The following ACTR3B variants were observed in gnomAD, a reference collection of about 807,000 sequenced individuals.
ACTR3B encodes actin related protein 3B.
Under a neutral mutation model 59.0 loss-of-function variants are expected in ACTR3B, and 8 were observed. The observed-to-expected ratio is 0.14, with a 90% CI of 0.08 to 0.24. The LOEUF is 0.24. Ranked by LOEUF, ACTR3B falls within the 10% of genes least tolerant of loss-of-function variation. The pLI is 1.00. For synonymous variants in ACTR3B, 148 were observed against 197.9 expected, an observed-to-expected ratio of 0.75 and a Z score of 2.12; for missense variants, 245 against 552.3, an observed-to-expected ratio of 0.44 and a Z score of 5.58.
chr7:152,814,871 G>A (rs2689616), intron 5 of ACTR3B, among the ~76,000 whole-genome samples: 6 of 151,480 alleles, frequency 4.0e-5, no homozygotes, highest in East Asian at 1.9e-4. Context: ...CTCTTTTTAC[G>A]TGCATTAAAG....
chr7:152,833,616 G>A (rs1275549272), intron 9 of ACTR3B, among the ~76,000 whole-genome samples: 1 of 152,030 alleles, frequency 6.6e-6, no homozygotes, highest in Non-Finnish European at 1.5e-5. Flanking sequence ...GAGTTAAGAA[G>A]AGCGCCTCTT....
At chr7:152,781,829 T>C (rs1307914391) in intron 1 of ACTR3B, among the ~76,000 whole-genome samples, 2 of 152,078 alleles carry the variant, frequency 1.3e-5, no homozygotes, top group African/African-American at 4.8e-5. Flanking sequence ...GGAGTGGAGT[T>C]GTGGTAGGTC....
intron 6 of ACTR3B, among the ~76,000 whole-genome samples, chr7:152,818,284 T>C (rs556071876): frequency 6.6e-6 from 1 of 152,334 alleles, no homozygotes; most frequent in South Asian, 2.1e-4. Context: ...AGAAAGTTGT[T>C]TGAAAAGATT....
chr7:152,759,956 C>T, intron 1 of ACTR3B, 30 bp downstream of exon 1: 2 of 1,338,538 alleles, frequency 1.5e-6, no homozygotes, highest in African/African-American at 1.5e-5. Flanking sequence ...CACCCCCGCT[C>T]CTCCGCGGCC....
chr7:152,851,600 T>TG (rs1798811051), intron 9 of ACTR3B, among the ~76,000 whole-genome samples: 1 of 152,194 alleles, frequency 6.6e-6, no homozygotes, highest in Non-Finnish European at 1.5e-5. Flanking sequence ...ACCGAGCTTC[T>TG]GGGGTGGCCA....
intron 1 of ACTR3B, among the ~76,000 whole-genome samples, chr7:152,777,322 C>G (rs1460157378): frequency 6.6e-6 from 1 of 151,330 alleles, no homozygotes; most frequent in Non-Finnish European, 1.5e-5. Context: ...AAACAAAAAA[C>G]AAAAAAAACA....
Position 152,823,588 on chromosome 7 carries a change from A to G in ACTR3B, c.858+73A>G, listed in dbSNP as rs1197956977. On this transcript the variant is annotated intron_variant, in intron 8 of 11. Coordinates refer to ENST00000256001, the MANE Select transcript of ACTR3B (RefSeq NM_020445.6). ...CTGCCACCCAGAGTGTAGAAAGAGC[A>G]GTTCCCAGCGAAGGGCCTGTGAGCA... 5 of 1,522,738 alleles carry G rather than the reference A, an allele frequency of 3.3e-6. No individual in the cohort carries two copies. In the Admixed American group the frequency reaches 8.0e-5, roughly 24 times the overall value. The allele number at this position is 1,522,738 out of a possible 1,614,324, so 94.3% of individuals were successfully genotyped here. A position where few individuals can be genotyped will look rare whatever the true frequency, so the allele number is the denominator to read the frequency against.
chr7:152,775,182 C>A (rs993583146), intron 1 of ACTR3B, among the ~76,000 whole-genome samples: 1 of 117,386 alleles, frequency 8.5e-6, no homozygotes, highest in Non-Finnish European at 1.7e-5. Flanking sequence ...CAGAGTGAAA[C>A]CCTGTCTCAA....
rs2098083293 is a variant in ACTR3B at position 152,759,828 on chromosome 7, C to G, written c.-55C>G. 6 of 1,189,846 alleles carry G rather than the reference C, an allele frequency of 5.0e-6. No homozygotes were observed. The highest frequency in any genetic ancestry group is 5.2e-6 in the Non-Finnish European group (5 of 957,594). The allele number at this position is 1,189,846 out of a possible 1,614,324, so 73.7% of individuals were successfully genotyped here. On this transcript the variant is annotated 5_prime_UTR_variant, in exon 1 of 12. Coordinates refer to ENST00000256001, the MANE Select transcript of ACTR3B (RefSeq NM_020445.6). The stretch of plus-strand genomic sequence containing the variant: ...CGGGGCTAGCGGGCGGCGGAGCGGA[C>G]GGCGACGGGGCGCTCTCGGGCTGCC...
intron 9 of ACTR3B, among the ~76,000 whole-genome samples, chr7:152,837,308 T>C (rs1279968428): frequency 6.6e-6 from 1 of 152,282 alleles, no homozygotes; most frequent in African/African-American, 2.4e-5. Flanking sequence ...AATACATTTA[T>C]TGGTAATTTC....
intron 6 of ACTR3B, among the ~76,000 whole-genome samples, chr7:152,817,137 C>A (rs1178476018): frequency 3.9e-5 from 6 of 151,992 alleles, no homozygotes; most frequent in Non-Finnish European, 8.8e-5. Flanking sequence ...GTAATCCCAG[C>A]ACTTTGGGAG....
intron 9 of ACTR3B, among the ~76,000 whole-genome samples, chr7:152,825,472 C>G (rs1222584859): frequency 6.6e-6 from 1 of 151,986 alleles, no homozygotes; most frequent in Non-Finnish European, 1.5e-5. Context: ...CCACCACACC[C>G]AGCGAATTTT....
intron 2 of ACTR3B, among the ~76,000 whole-genome samples, chr7:152,787,315 A>G (rs1021287729): frequency 6.6e-6 from 1 of 152,082 alleles, no homozygotes; most frequent in Non-Finnish European, 1.5e-5. Context: ...ATCTTTGCCC[A>G]TTTTTCTATT....
At chr7:152,764,630 C>G (rs191373094) in intron 1 of ACTR3B, among the ~76,000 whole-genome samples, 1 of 141,844 alleles carries the variant, frequency 7.1e-6, no homozygotes, top group African/African-American at 2.7e-5. Context: ...CTGGCAACAG[C>G]GAGACTCCAT....
intron 6 of ACTR3B, among the ~76,000 whole-genome samples, chr7:152,820,023 T>A (rs1273189337): frequency 2.0e-5 from 3 of 152,234 alleles, no homozygotes; most frequent in African/African-American, 7.2e-5. Flanking sequence ...TCTTATGTGG[T>A]TTTTCTTTTC....
intron 9 of ACTR3B, among the ~76,000 whole-genome samples, chr7:152,851,772 G>T (rs1798825473): frequency 6.6e-6 from 1 of 152,158 alleles, no homozygotes; most frequent in African/African-American, 2.4e-5. Context: ...CGGACCAGGG[G>T]AGAGCTGGTG....
intron 2 of ACTR3B, among the ~76,000 whole-genome samples, chr7:152,786,207 CAGGTGTGAAG>C (rs2098173341): frequency 1.1e-5 from 1 of 93,978 alleles, no homozygotes; most frequent in Non-Finnish European, 2.1e-5. Flanking sequence ...TGGAAGAGTT[CAGGTGTGAAG>C]AGGTTTAAGG....
At chr7:152,762,935 G>C (rs1250597039) in intron 1 of ACTR3B, among the ~76,000 whole-genome samples, 1 of 152,176 alleles carries the variant, frequency 6.6e-6, no homozygotes, top group Non-Finnish European at 1.5e-5. Flanking sequence ...ACTCGCCTCA[G>C]TCTTGATGAA....
chr7:152,841,447 AG>A (rs1296725960), intron 9 of ACTR3B, among the ~76,000 whole-genome samples: 2 of 147,290 alleles, frequency 1.4e-5, no homozygotes, highest in African/African-American at 5.0e-5. Context: ...TACTTTGGGG[AG>A]GAGTGAGTAG....
Sources: allele counts gnomAD v4.1 joint callset (sites outside exome capture counted in the v4.1 genomes callset), GRCh38; gene constraint gnomAD v4.1.1; transcripts MANE v1.5; gene names NCBI Gene and HGNC (gene_info 2026-07-23, HGNC 2026-07-21).